The following UNC79 variants were observed in gnomAD, a reference collection of about 807,000 sequenced individuals.
UNC79 encodes unc-79 subunit of NALCN channel complex, also known as protein unc-79 homolog.
A neutral mutation model predicts 283.1 loss-of-function variants in UNC79; 37 were observed. The ratio of observed to expected loss-of-function variants is 0.13; its 90% CI spans 0.10 to 0.17. The LOEUF (loss-of-function observed/expected upper bound fraction) is 0.17, where lower values mean the gene tolerates loss of function less well. Ranked by LOEUF, UNC79 falls within the 10% of genes least tolerant of loss-of-function variation. The pLI is 1.00. For synonymous variants in UNC79, 1,107 were observed against 1,200.2 expected, an observed-to-expected ratio of 0.92 and a Z score of 1.61; for missense variants, 2,272 against 3,211.1, an observed-to-expected ratio of 0.71 and a Z score of 7.07.
intron 1 of UNC79, among the ~76,000 whole-genome samples, chr14:93,341,291 T>C (rs1002027308): frequency 6.6e-6 from 1 of 151,878 alleles, no homozygotes; most frequent in African/African-American, 2.4e-5. Flanking sequence ...ACCCCGTCTC[T>C]ACTAAAAATA....
At chr14:93,354,671 AAC>A (rs1203756701) in intron 1 of UNC79, among the ~76,000 whole-genome samples, 2 of 151,992 alleles carry the variant, frequency 1.3e-5, no homozygotes, top group Non-Finnish European at 2.9e-5. Context: ...CAAATTAAAA[AAC>A]TTTTTTTTTG....
At chr14:93,693,921 T>G (rs915335021) in intron 46 of UNC79, among the ~76,000 whole-genome samples, 3 of 152,288 alleles carry the variant, frequency 2.0e-5, no homozygotes, top group African/African-American at 7.2e-5. Context: ...TAAAAGTAAT[T>G]CAAGCATTTG....
chr14:93,695,262 A>G (rs1177786007), intron 47 of UNC79, among the ~76,000 whole-genome samples: 2 of 152,272 alleles, frequency 1.3e-5, no homozygotes, highest in East Asian at 3.9e-4. Context: ...AGTGGGCATC[A>G]ACTTGGAACC....
At chr14:93,550,197 G>T (rs2141282841) in intron 14 of UNC79, among the ~76,000 whole-genome samples, 1 of 152,204 alleles carries the variant, frequency 6.6e-6, no homozygotes, top group Non-Finnish European at 1.5e-5. Context: ...GTTACAGTTT[G>T]TTTTCATTTC....
chr14:93,357,676 CATATATATATAT>C (rs60284787), intron 1 of UNC79, among the ~76,000 whole-genome samples: 3,047 of 32,348 alleles, frequency 0.094, 138 homozygotes, highest in African/African-American at 0.12. Context: ...AATAAACTCC[CATATATATATAT>C]ATATATATAT....
At chr14:93,693,465 T>C (rs1245126735) in intron 46 of UNC79, among the ~76,000 whole-genome samples, 1 of 152,240 alleles carries the variant, frequency 6.6e-6, no homozygotes, top group Non-Finnish European at 1.5e-5. Flanking sequence ...CAAATGATAT[T>C]ACAAAAGAAT....
chr14:93,473,079 A>T (rs572490684), intron 2 of UNC79, among the ~76,000 whole-genome samples: 1 of 152,144 alleles, frequency 6.6e-6, no homozygotes, highest in Admixed American at 6.5e-5. Flanking sequence ...AAGAAAACCA[A>T]TTTATTTTTA....
At chr14:93,476,260 G>A (rs985546998) in intron 3 of UNC79, among the ~76,000 whole-genome samples, 6 of 152,240 alleles carry the variant, frequency 3.9e-5, no homozygotes, top group African/African-American at 1.4e-4. Flanking sequence ...CGGTTTTGTC[G>A]CAGTTCAACT....
At chr14:93,452,373 TGA>T (rs2056669425) in intron 1 of UNC79, among the ~76,000 whole-genome samples, 2 of 133,470 alleles carry the variant, frequency 1.5e-5, no homozygotes, top group Non-Finnish European at 3.1e-5. Context: ...CTGGACTGCA[TGA>T]TTTTTTTTTT....
intron 8 of UNC79, among the ~76,000 whole-genome samples, chr14:93,525,089 C>T (rs535134167): frequency 2.0e-5 from 3 of 152,142 alleles, no homozygotes; most frequent in African/African-American, 7.2e-5. Flanking sequence ...CAAAGGATGG[C>T]CTTGTATTAT....
chr14:93,655,334 G>A (rs1447432954), exon 38 of UNC79: 2 of 1,614,014 alleles, frequency 1.2e-6, no homozygotes, highest in South Asian at 1.1e-5. Context: ...GATTCTCCTA[G>A]TAGCCTCTGG....
In UNC79 at chr14:93,564,735, A is replaced by C. The variant is rs561066123; in HGVS notation, c.1756-7159A>C. Among the ~76,000 whole-genome samples, 7 of 151,168 alleles carry C rather than the reference A, an allele frequency of 4.6e-5. No homozygotes were observed. In the East Asian group the frequency reaches 1.4e-3, roughly 29 times the overall value. On this transcript the variant is annotated intron_variant, in intron 14 of 48. Coordinates refer to ENST00000555664, the Ensembl canonical transcript of UNC79. The stretch of plus-strand genomic sequence containing the variant: ...ATTTGGGTAGGTAGTGGAAAATTAC[A>C]GTCAAAGGAGGTTGTTCTCTGGCTG...
At chr14:93,417,520 G>T (rs2055489809) in intron 1 of UNC79, among the ~76,000 whole-genome samples, 2 of 152,124 alleles carry the variant, frequency 1.3e-5, no homozygotes, top group African/African-American at 4.8e-5. Context: ...TCTTCTCGAG[G>T]AGTGTCTTTG....
At chr14:93,551,239 CG>C (rs1380983347) in intron 14 of UNC79, among the ~76,000 whole-genome samples, 7 of 152,088 alleles carry the variant, frequency 4.6e-5, no homozygotes, top group African/African-American at 1.7e-4. Context: ...TTAGTAGAGA[CG>C]GGGTTTCACC....
At chr14:93,705,824 G>A (rs1382447198) in intron 48 of UNC79, among the ~76,000 whole-genome samples, 1 of 152,322 alleles carries the variant, frequency 6.6e-6, no homozygotes, top group African/African-American at 2.4e-5. Flanking sequence ...TTTCTTCTCC[G>A]AGTTGGGGAG....
intron 7 of UNC79, among the ~76,000 whole-genome samples, chr14:93,504,342 A>G (rs2059432969): frequency 6.6e-6 from 1 of 151,904 alleles, no homozygotes; most frequent in African/African-American, 2.4e-5. Flanking sequence ...AAAATTTGTC[A>G]AGTTAAACAT....
chr14:93,390,554 A>G (rs2054863349), intron 1 of UNC79, among the ~76,000 whole-genome samples: 1 of 152,184 alleles, frequency 6.6e-6, no homozygotes, highest in Non-Finnish European at 1.5e-5. Flanking sequence ...GATTGTGTAT[A>G]TATAGAAAAA....
intron 1 of UNC79, among the ~76,000 whole-genome samples, chr14:93,374,792 C>T (rs929539220): frequency 5.9e-5 from 9 of 152,212 alleles, no homozygotes; most frequent in Non-Finnish European, 1.0e-4. Flanking sequence ...AGTGATCCTT[C>T]TGCCTTGGCC....
intron 7 of UNC79, among the ~76,000 whole-genome samples, chr14:93,518,738 T>C (rs1400038826): frequency 2.6e-5 from 4 of 151,988 alleles, no homozygotes; most frequent in African/African-American, 7.2e-5. Flanking sequence ...ATATATGTTA[T>C]GCTTTTATTG....
Sources: allele counts gnomAD v4.1 joint callset (sites outside exome capture counted in the v4.1 genomes callset), GRCh38; gene constraint gnomAD v4.1.1; transcripts MANE v1.5; gene names NCBI Gene and HGNC (gene_info 2026-07-23, HGNC 2026-07-21).